CTDSPL2: variants seen among roughly 807,000 people sequenced by gnomAD.
CTDSPL2 encodes the protein CTD small phosphatase like 2, also known as CTD small phosphatase-like protein 2.
Under a neutral mutation model 60.0 loss-of-function variants are expected in CTDSPL2, and 5 were observed. The ratio of observed to expected loss-of-function variants is 0.08; its 90% CI spans 0.04 to 0.18. The LOEUF is 0.18. Ranked by LOEUF, CTDSPL2 falls within the 10% of genes least tolerant of loss-of-function variation. The pLI is 1.00. For synonymous variants in CTDSPL2, 186 were observed against 189.3 expected, an observed-to-expected ratio of 0.98 and a Z score of 0.14; for missense variants, 370 against 548.8, an observed-to-expected ratio of 0.67 and a Z score of 3.26.
chr15:44,497,446 A>G (rs2081319373), intron 7 of CTDSPL2, among the ~76,000 whole-genome samples: 1 of 152,098 alleles, frequency 6.6e-6, no homozygotes, highest in African/African-American at 2.4e-5. Context: ...GCTCACTGCA[A>G]GCTCCGCCTC....
chr15:44,443,007 T>C (rs1482924882), intron 1 of CTDSPL2, among the ~76,000 whole-genome samples: 1 of 152,074 alleles, frequency 6.6e-6, no homozygotes, highest in East Asian at 1.9e-4. Flanking sequence ...GTTTTCCAAT[T>C]CCAGAGTCCT....
intron 1 of CTDSPL2, among the ~76,000 whole-genome samples, chr15:44,434,202 T>G (rs575368286): frequency 6.6e-6 from 1 of 151,762 alleles, no homozygotes; most frequent in East Asian, 2.0e-4. Context: ...GAGATCGAGA[T>G]CATCCTGGCC....
intron 5 of CTDSPL2, among the ~76,000 whole-genome samples, chr15:44,495,320 C>T (rs371903813): frequency 5.3e-5 from 8 of 151,926 alleles, no homozygotes; most frequent in Admixed American, 2.0e-4. Flanking sequence ...CGGTGGCTCA[C>T]GCCTGGAATT....
chr15:44,468,312 ACAT>A lies in CTDSPL2; in HGVS notation c.186+9116_186+9118del, dbSNP rs369658562. Among the ~76,000 whole-genome samples, 664 of 152,150 alleles carry A rather than the reference ACAT, an allele frequency of 4.4e-3. 3 individuals carry two copies. Among genetic ancestry groups the A allele is most frequent in the African/African-American group, 0.015 (632 of 41,504 alleles). On this transcript the variant is annotated intron_variant, in intron 2 of 12. Transcript: ENST00000260327. Reference sequence around the variant, plus strand: ...TAAGGAATTTAAGTTGATTTATTTGACATCATATTTTGTTGGTATTTATTAATT... The same window carrying A: ...TAAGGAATTTAAGTTGATTTATTTGACATATTTTGTTGGTATTTATTAATT...
chr15:44,495,911 C>T (rs1008544823), intron 5 of CTDSPL2, among the ~76,000 whole-genome samples: 16 of 151,292 alleles, frequency 1.1e-4, no homozygotes, highest in East Asian at 3.9e-4. Context: ...CTAGCCTGGG[C>T]GACAGATCGA....
chr15:44,485,344 A>C (rs1433064280), intron 3 of CTDSPL2, among the ~76,000 whole-genome samples: 3 of 152,252 alleles, frequency 2.0e-5, no homozygotes, highest in Non-Finnish European at 4.4e-5. Flanking sequence ...AGCTATAAAG[A>C]ATAACACTTT....
At chr15:44,492,383 T>C (rs2081231457) in intron 5 of CTDSPL2, among the ~76,000 whole-genome samples, 1 of 152,162 alleles carries the variant, frequency 6.6e-6, no homozygotes, top group South Asian at 2.1e-4. Context: ...TAAGGAAATA[T>C]AATATACAGA....
Position 44,497,118 on chromosome 15 carries a change from T to C in CTDSPL2, c.862T>C (p.Phe288Leu), listed in dbSNP as rs775147069. ...GTTGAAAACAAGAAGCACACCGGAA[T>C]TCTCCCTAGTTTTAGACTTGGTAAG... ...LPLKTRSTPEFSLVLDLDETL... is the reference protein window; with the variant it reads ...LPLKTRSTPELSLVLDLDETL... Residue 288 changes from phenylalanine to leucine, a missense_variant, in exon 7 of 13, where the codon TTC (phenylalanine) becomes CTC (leucine). By Grantham distance (22) the Phe-to-Leu change is conservative (BLOSUM62 0). This residue lies in a region of CTDSPL2 where 16 missense variants were observed against 44.3 expected (regional missense o/e 0.36). Transcript: ENST00000260327. The C allele has an allele frequency of 6.2e-7, 1 of 1,601,344 alleles. No individual in the cohort carries two copies. The highest frequency in any genetic ancestry group is 8.6e-7 in the Non-Finnish European group (1 of 1,169,418).
chr15:44,448,396 C>CCGA, intron 1 of CTDSPL2: 2 of 221,204 alleles, frequency 9.0e-6, no homozygotes, highest in Non-Finnish European at 1.8e-5. Context: ...GGAACCCACA[C>CCGA]GATCCACACC....
intron 1 of CTDSPL2, among the ~76,000 whole-genome samples, chr15:44,433,918 A>G (rs1304963970): frequency 6.8e-6 from 1 of 148,080 alleles, no homozygotes; most frequent in Non-Finnish European, 1.5e-5. Flanking sequence ...GCGCCACTGC[A>G]CTCCAGCCTG....
At chr15:44,450,640 A>G (rs1276838828) in intron 1 of CTDSPL2, among the ~76,000 whole-genome samples, 1 of 127,236 alleles carries the variant, frequency 7.9e-6, no homozygotes, top group East Asian at 2.2e-4. Context: ...TTTGTCACGC[A>G]GATTGGAGTA....
intron 2 of CTDSPL2, among the ~76,000 whole-genome samples, chr15:44,480,786 CTG>C (rs2081012853): frequency 1.3e-5 from 2 of 151,220 alleles, no homozygotes; most frequent in East Asian, 3.9e-4. Context: ...TGAGCCATGA[CTG>C]TGCTACTACA....
At chr15:44,492,376 G>A (rs1437867209) in intron 5 of CTDSPL2, among the ~76,000 whole-genome samples, 1 of 152,110 alleles carries the variant, frequency 6.6e-6, no homozygotes, top group Non-Finnish European at 1.5e-5. Flanking sequence ...TTTGGTTTAA[G>A]GAAATATAAT....
At chr15:44,467,076 C>T (rs1464624368) in intron 2 of CTDSPL2, among the ~76,000 whole-genome samples, 20 of 152,138 alleles carry the variant, frequency 1.3e-4, no homozygotes, top group Admixed American at 1.3e-4. Flanking sequence ...TATAATCTTA[C>T]GAGACCACTG....
Position 44,459,136 on chromosome 15 carries a change from C to T in CTDSPL2, c.122C>T (p.Pro41Leu). 1 of 1,612,638 alleles carries T rather than the reference C, an allele frequency of 6.2e-7. No individual in the cohort carries two copies. Among genetic ancestry groups the T allele is most frequent in the African/African-American group, 1.3e-5 (1 of 74,914 alleles). Reference protein sequence around the residue: ...DDSLPSGGEKPSKNETGLLSS... With the variant: ...DDSLPSGGEKLSKNETGLLSS... The stretch of plus-strand genomic sequence containing the variant: ...AGCCTGCCTTCAGGAGGAGAAAAAC[C>T]ATCGAAGAATGAAACCGGCTTGTTG... The change falls in exon 2 of 13, where the codon CCA (proline) becomes CTA (leucine). Residue 41 changes from proline to leucine, a missense_variant. By Grantham distance (98) the Pro-to-Leu change is moderately conservative (BLOSUM62 -3). Transcript: ENST00000260327.
chr15:44,443,655 A>G (rs962490802), intron 1 of CTDSPL2, among the ~76,000 whole-genome samples: 4 of 152,136 alleles, frequency 2.6e-5, no homozygotes, highest in Non-Finnish European at 5.9e-5. Flanking sequence ...TTCCGTGATA[A>G]TTAGATAATT....
At chr15:44,435,127 G>A (rs2079947426) in intron 1 of CTDSPL2, among the ~76,000 whole-genome samples, 1 of 151,920 alleles carries the variant, frequency 6.6e-6, no homozygotes, top group African/African-American at 2.4e-5. Context: ...GGGCGCGGTG[G>A]TGTGCACCTG....
At chr15:44,478,963 A>G (rs1305631384) in intron 2 of CTDSPL2, among the ~76,000 whole-genome samples, 1 of 152,178 alleles carries the variant, frequency 6.6e-6, no homozygotes, top group Non-Finnish European at 1.5e-5. Flanking sequence ...CCTGTCTCAA[A>G]AACAAATAAA....
Position 44,497,147 on chromosome 15 carries a change from A to G in CTDSPL2, c.882+9A>G, listed in dbSNP as rs369247070. 2 of 1,477,270 alleles carry G rather than the reference A, an allele frequency of 1.4e-6. No homozygotes were observed. Among genetic ancestry groups the G allele is most frequent in the East Asian group, 2.3e-5 (1 of 44,062 alleles). The allele number at this position is 1,477,270 out of a possible 1,614,324, so 91.5% of individuals were successfully genotyped here. ...CCCTAGTTTTAGACTTGGTAAGTAT[A>G]TTATCTGTAGAGGTAGAGAGAATAA... On this transcript the variant is annotated intron_variant, in intron 7 of 12. Transcript: ENST00000260327.
Sources: gnomAD v4.1 joint callset for allele counts (sites outside exome capture counted in the v4.1 genomes callset) on GRCh38, gnomAD v4.1.1 for gene constraint, gnomAD v4.1.1 regional missense constraint, MANE v1.5 for transcripts, NCBI Gene and HGNC (gene_info 2026-07-23, HGNC 2026-07-21) for gene names.